BAIAP2: variants seen among roughly 807,000 people sequenced by gnomAD.
The protein encoded by BAIAP2 is BAR/IMD domain-containing adapter protein 2.
A neutral mutation model predicts 63.0 loss-of-function variants in BAIAP2; 18 were observed. The ratio of observed to expected loss-of-function variants is 0.29; its 90% confidence interval spans 0.20 to 0.42. BAIAP2 has a LOEUF of 0.42. Among genes scored for constraint, BAIAP2 ranks in the 10% least tolerant of loss-of-function variants. The pLI is 1.00. For synonymous variants in BAIAP2, 386 were observed against 307.6 expected, an observed-to-expected ratio of 1.25 and a Z score of -2.67; for missense variants, 610 against 734.3, an observed-to-expected ratio of 0.83 and a Z score of 1.96.
chr17:81,090,591 A>G (rs2056550000), intron 6 of BAIAP2, among the ~76,000 whole-genome samples: 1 of 152,236 alleles, frequency 6.6e-6, no homozygotes, highest in Non-Finnish European at 1.5e-5. Context: ...GGGGTGGGAA[A>G]CAGAGGGAGC....
Position 81,081,476 on chromosome 17 carries a change from A to C in BAIAP2, c.218-3356A>C, listed in dbSNP as rs1252989149. Among the ~76,000 whole-genome samples, 3 of 152,136 alleles carry C rather than the reference A, an allele frequency of 2.0e-5. No individual in the cohort carries two copies. In the East Asian group the frequency reaches 5.8e-4, roughly 29 times the overall value. ...GGCCACGTGGCTGTGGGCCTGTGCC[A>C]GCCCTAGCTGGGGTTCCCTCTCTTG... is the stretch of plus-strand genomic sequence containing the variant. On this transcript the variant is annotated intron_variant, in intron 3 of 13. Coordinates refer to ENST00000428708, the MANE Select transcript of BAIAP2 (RefSeq NM_001144888.2).
intron 1 of BAIAP2, among the ~76,000 whole-genome samples, chr17:81,039,722 T>C (rs1238920464): frequency 1.3e-5 from 2 of 151,992 alleles, no homozygotes; most frequent in East Asian, 3.9e-4. Context: ...TGCCTTGTCT[T>C]CGACTGAAGC....
At chr17:81,089,536 A>C (rs977539028) in intron 6 of BAIAP2, among the ~76,000 whole-genome samples, 1 of 151,976 alleles carries the variant, frequency 6.6e-6, no homozygotes, top group East Asian at 2.0e-4. Context: ...TTTCGTGGTA[A>C]GCCAGGTGAC....
chr17:81,099,560 C>T (rs1368148011), intron 6 of BAIAP2, among the ~76,000 whole-genome samples: 1 of 152,188 alleles, frequency 6.6e-6, no homozygotes, highest in Non-Finnish European at 1.5e-5. Context: ...GCATCCACAC[C>T]CAGGCTTCTG....
At chr17:81,060,315 A>G (rs55981747) in intron 3 of BAIAP2, among the ~76,000 whole-genome samples, 26,772 of 152,104 alleles carry the variant, frequency 0.18, 2,563 homozygotes, top group Middle Eastern at 0.32. Flanking sequence ...TTAGCACCCC[A>G]AAAAGAAATC....
intron 3 of BAIAP2, among the ~76,000 whole-genome samples, chr17:81,075,472 C>T (rs1166151433): frequency 1.3e-5 from 2 of 150,020 alleles, no homozygotes; most frequent in Non-Finnish European, 2.9e-5. Context: ...GGCTCCCTTC[C>T]TGTGGGCCGC....
intron 3 of BAIAP2, among the ~76,000 whole-genome samples, chr17:81,066,541 G>A (rs941291510): frequency 1.3e-5 from 2 of 152,210 alleles, no homozygotes; most frequent in African/African-American, 4.8e-5. Context: ...TCCTGTCCCC[G>A]CAGGTGTCGG....
chr17:81,110,660 C>T (rs1296030205), intron 13 of BAIAP2: 1 of 1,329,970 alleles, frequency 7.5e-7, no homozygotes, highest in Non-Finnish European at 9.9e-7. Context: ...GCCCCAGTGA[C>T]AGTCGCTCAC....
At chr17:81,092,514 G>A (rs930180364) in intron 6 of BAIAP2, among the ~76,000 whole-genome samples, 6 of 152,240 alleles carry the variant, frequency 3.9e-5, no homozygotes, top group East Asian at 1.9e-4. Flanking sequence ...GCCCTTGAGC[G>A]GGGCTGGGCC....
chr17:81,096,582 C>G (rs1037834594), intron 6 of BAIAP2, among the ~76,000 whole-genome samples: 10 of 152,232 alleles, frequency 6.6e-5, no homozygotes, highest in Admixed American at 6.5e-4. Flanking sequence ...GGGTGCTCAT[C>G]TCCAGGCCCC....
At chr17:81,081,098 G>A (rs2054528979) in intron 3 of BAIAP2, among the ~76,000 whole-genome samples, 1 of 152,220 alleles carries the variant, frequency 6.6e-6, no homozygotes, top group Admixed American at 6.5e-5. Flanking sequence ...CCCCAACTCG[G>A]CTGAAGCCAG....
chr17:81,088,153 C>T (rs1212742864), intron 6 of BAIAP2, among the ~76,000 whole-genome samples: 1 of 152,104 alleles, frequency 6.6e-6, no homozygotes. Context: ...GCCTGGAGGG[C>T]CATAGCCGCC....
At chr17:81,055,569 G>GTTTTTTTTTTTTTTTTTTTTTTTTT (rs1555657837) in intron 2 of BAIAP2, among the ~76,000 whole-genome samples, 2 of 94,188 alleles carry the variant, frequency 2.1e-5, no homozygotes, top group Non-Finnish European at 4.3e-5. Context: ...TCTGCAGGGT[G>GTTTTTTTTTTTTTTTTTTTTTTTTT]TTTTGTTTTT....
chr17:81,061,008 C>T (rs2050450699), intron 3 of BAIAP2, among the ~76,000 whole-genome samples: 1 of 152,120 alleles, frequency 6.6e-6, no homozygotes, highest in African/African-American at 2.4e-5. Flanking sequence ...CCTGTAATCC[C>T]AGCTACTAGG....
intron 1 of BAIAP2, among the ~76,000 whole-genome samples, chr17:81,051,980 G>T (rs1367712931): frequency 6.6e-6 from 1 of 152,190 alleles, no homozygotes; most frequent in Admixed American, 6.5e-5. Context: ...GCGAGCCACC[G>T]CATCTGACCC....
chr17:81,045,827 G>A (rs915595640), intron 1 of BAIAP2, among the ~76,000 whole-genome samples: 2 of 152,134 alleles, frequency 1.3e-5, no homozygotes, highest in African/African-American at 4.8e-5. Flanking sequence ...GGTCAGCCAG[G>A]CCACGCCGAA....
At chr17:81,078,602 G>A (rs1418277206) in intron 3 of BAIAP2, among the ~76,000 whole-genome samples, 3 of 149,314 alleles carry the variant, frequency 2.0e-5, no homozygotes, top group Non-Finnish European at 4.5e-5. Context: ...TGCGGGTGCC[G>A]TATTGGGTGG....
chr17:81,050,752 CAT>C (rs1568075484), intron 1 of BAIAP2, among the ~76,000 whole-genome samples: 161 of 150,746 alleles, frequency 1.1e-3, no homozygotes, highest in Admixed American at 3.3e-3. Flanking sequence ...CGTGGACACA[CAT>C]GCACACATGC....
At chr17:81,098,966 CCCCA>C (rs2058091032) in intron 6 of BAIAP2, among the ~76,000 whole-genome samples, 1 of 10,654 alleles carries the variant, frequency 9.4e-5, no homozygotes, top group Admixed American at 1.8e-3. Context: ...CTCCCCGTCC[CCCCA>C]TCCCCCCATC....
Sources: allele counts gnomAD v4.1 joint callset (sites outside exome capture counted in the v4.1 genomes callset), GRCh38; gene constraint gnomAD v4.1.1; transcripts MANE v1.5; gene names NCBI Gene and HGNC (gene_info 2026-07-23, HGNC 2026-07-21).